Variants in CCDC179 observed in about 807,000 individuals in gnomAD.
CCDC179 encodes coiled-coil domain-containing protein 179.
CCDC179 carries 17 observed loss-of-function variants against 12.0 expected under a neutral mutation model. The observed-to-expected ratio is 1.42, with a 90% CI of 0.97 to 2.13. The LOEUF (loss-of-function observed/expected upper bound fraction) is 2.13, where lower values mean the gene tolerates loss of function less well. CCDC179 is among the 30% of genes most tolerant of loss of function. The pLI is 0.00. For synonymous variants in CCDC179, 27 were observed against 26.4 expected (o/e 1.02, Z -0.07); for missense variants, 83 against 78.6 (o/e 1.06, Z -0.21).
chr11:22,858,441 T>C (rs566334647), intron 2 of CCDC179, among the ~76,000 whole-genome samples: 2 of 152,164 alleles, frequency 1.3e-5, no homozygotes, highest in East Asian at 3.9e-4. Flanking sequence ...ATGCCACCAT[T>C]GTGTGGCGTC....
At chr11:22,859,376 G>C in intron 2 of CCDC179, 76 bp downstream of exon 2, 2 of 942,394 alleles carry the variant, frequency 2.1e-6, no homozygotes, top group South Asian at 4.7e-5. Context: ...ATTATGTTAG[G>C]GACCACTACA....
chr11:22,847,927 C>T (rs1351548541), intron 3 of CCDC179, among the ~76,000 whole-genome samples: 1 of 152,068 alleles, frequency 6.6e-6, no homozygotes, highest in Non-Finnish European at 1.5e-5. Context: ...GTCTTATGCT[C>T]TGTGAGTGAC....
chr11:22,857,659 C>T (rs1483237596), intron 3 of CCDC179, among the ~76,000 whole-genome samples: 2 of 151,648 alleles, frequency 1.3e-5, no homozygotes, highest in Admixed American at 6.6e-5. Context: ...ATGTAGTCAT[C>T]TAACATATGG....
intron 3 of CCDC179, among the ~76,000 whole-genome samples, chr11:22,850,831 A>G (rs1488711468): frequency 6.6e-6 from 1 of 150,390 alleles, no homozygotes; most frequent in Non-Finnish European, 1.5e-5. Context: ...ATTGTCTTAC[A>G]CTATAGAAAG....
At chr11:22,857,866 G>T (rs1858563780) in intron 3 of CCDC179, 56 bp downstream of exon 3, 4 of 841,598 alleles carry the variant, frequency 4.8e-6, no homozygotes, top group South Asian at 2.0e-5. Flanking sequence ...GAATTAAAAT[G>T]ATGATATCAG....
chr11:22,848,095 A>AT (rs1564913966), intron 3 of CCDC179, among the ~76,000 whole-genome samples: 1 of 152,206 alleles, frequency 6.6e-6, no homozygotes, highest in Admixed American at 6.5e-5. Flanking sequence ...TTTAAGGATA[A>AT]TTTTAACATT....
In CCDC179 at chr11:22,846,926, G is replaced by T. The variant is rs1387946535; in HGVS notation, c.*584C>A. The T allele has an allele frequency of 1.3e-5, 2 of 151,936 alleles. No individual in the cohort carries two copies. Among genetic ancestry groups the T allele is most frequent in the Non-Finnish European group, 2.9e-5 (2 of 67,968 alleles). 9.4% of individuals were successfully genotyped at this position (151,936 alleles called of 1,614,324 possible). A position where few individuals can be genotyped will look rare whatever the true frequency, so the allele number is the denominator to read the frequency against. The stretch of plus-strand genomic sequence containing the variant: ...AGTATTATAGTTAAGAAAGATTTTA[G>T]AGAGTCAGCAATAATTATAATTTAT... On this transcript the variant is annotated 3_prime_UTR_variant, in exon 4 of 4. Transcript: ENST00000532798.
At chr11:22,849,932 G>T (rs190787798) in intron 3 of CCDC179, among the ~76,000 whole-genome samples, 1 of 152,126 alleles carries the variant, frequency 6.6e-6, no homozygotes, top group Non-Finnish European at 1.5e-5. Flanking sequence ...GAGGAAAGAC[G>T]GGCCGGTGGT....
intron 3 of CCDC179, among the ~76,000 whole-genome samples, chr11:22,850,497 T>G (rs978486513): frequency 6.6e-6 from 1 of 152,250 alleles, no homozygotes; most frequent in African/African-American, 2.4e-5. Context: ...TTGTTTGATG[T>G]GCATTTAGCC....
chr11:22,855,986 G>C (rs191687779), intron 3 of CCDC179, among the ~76,000 whole-genome samples: 167 of 151,272 alleles, frequency 1.1e-3, no homozygotes, highest in Admixed American at 5.2e-3. Context: ...ACAAGACATA[G>C]ATAATCTAAA....
intron 3 of CCDC179, among the ~76,000 whole-genome samples, chr11:22,853,213 C>T (rs1431610961): frequency 6.6e-6 from 1 of 152,030 alleles, no homozygotes; most frequent in African/African-American, 2.4e-5. Flanking sequence ...ATCCAGCTTT[C>T]AATAAAGAAC....
At chr11:22,848,822 C>G (rs1325794298) in intron 3 of CCDC179, among the ~76,000 whole-genome samples, 1 of 152,102 alleles carries the variant, frequency 6.6e-6, no homozygotes, top group Admixed American at 6.6e-5. Flanking sequence ...GTGTCATATT[C>G]ATTATCACTT....
rs72865328 is a variant in CCDC179 at position 22,847,804 on chromosome 11, C to T, written c.196-283G>A. 3.8e-3 allele frequency among the ~76,000 whole-genome samples: 581 copies of T among 152,016 alleles called. 1 individual carries two copies. The highest frequency in any genetic ancestry group is 8.7e-3 in the East Asian group (45 of 5,152). On this transcript the variant is annotated intron_variant, in intron 3 of 3. Coordinates refer to ENST00000532798, the MANE Select transcript of CCDC179 (RefSeq NM_001195637.2). The stretch of plus-strand genomic sequence containing the variant: ...TCTCTATAAGTCATACAACAAATAC[C>T]GCAAGCAGAAAGAATTTGTAGAAAC...
intron 3 of CCDC179, among the ~76,000 whole-genome samples, chr11:22,850,593 C>G (rs1858353402): frequency 6.9e-6 from 1 of 144,262 alleles, no homozygotes; most frequent in African/African-American, 2.7e-5. Context: ...TTATTTCCCT[C>G]TGGGTAGATA....
rs189332441 is a variant in CCDC179, at chr11:22,856,514, T to G, written c.195+1408A>C. On this transcript the variant is annotated intron_variant, in intron 3 of 3. Coordinates refer to ENST00000532798, the MANE Select transcript of CCDC179 (RefSeq NM_001195637.2). Reference sequence around the variant, plus strand: ...AGGTGTAGAGAGGGATGTCTTTCACTTCATAAGGAACATCTCTAAAATACC... The same window carrying G: ...AGGTGTAGAGAGGGATGTCTTTCACGTCATAAGGAACATCTCTAAAATACC... 3.0e-3 allele frequency among the ~76,000 whole-genome samples: 462 copies of G among 151,566 alleles called. 2 individuals carry two copies. Among genetic ancestry groups the G allele is most frequent in the African/African-American group, 0.011 (444 of 41,498 alleles).
intron 3 of CCDC179, among the ~76,000 whole-genome samples, chr11:22,848,630 C>G (rs1051996251): frequency 6.6e-6 from 1 of 151,892 alleles, no homozygotes; most frequent in Non-Finnish European, 1.5e-5. Flanking sequence ...TTAAATTGTA[C>G]AAAAACTGTT....
In CCDC179 at chr11:22,859,381, A is replaced by G. The variant is rs900482794; in HGVS notation, c.90+71T>C. ...TACAAGTTCTATTATGTTAGGGACCACTACATAAAGGAACAAGTTACAAGC... is the reference window on the plus strand; with the variant it reads ...TACAAGTTCTATTATGTTAGGGACCGCTACATAAAGGAACAAGTTACAAGC... On this transcript the variant is annotated intron_variant, in intron 2 of 3. Coordinates refer to ENST00000532798, the MANE Select transcript of CCDC179 (RefSeq NM_001195637.2). The G allele has an allele frequency of 1.1e-5, 11 of 1,014,422 alleles. No individual in the cohort carries two copies. The Admixed American group carries it at 1.3e-4, about 12-fold the overall frequency. The allele number at this position is 1,014,422 out of a possible 1,614,324, so 62.8% of individuals were successfully genotyped here. A position where few individuals can be genotyped will look rare whatever the true frequency, so the allele number is the denominator to read the frequency against.
intron 3 of CCDC179, 126 bp from the exon 4 acceptor site, chr11:22,847,647 A>T (rs2134821731): frequency 4.6e-6 from 2 of 438,394 alleles, no homozygotes; most frequent in East Asian, 3.7e-5. Flanking sequence ...AAGAAGTATT[A>T]TAAAAAATAA....
intron 3 of CCDC179, among the ~76,000 whole-genome samples, chr11:22,856,322 C>G (rs1858528675): frequency 6.6e-6 from 1 of 151,444 alleles, no homozygotes; most frequent in Non-Finnish European, 1.5e-5. Flanking sequence ...TATACACAAT[C>G]TGAGACTTAT....
Sources: gnomAD v4.1 joint callset for allele counts (sites outside exome capture counted in the v4.1 genomes callset) on GRCh38, gnomAD v4.1.1 for gene constraint, MANE v1.5 for transcripts, NCBI Gene and HGNC (gene_info 2026-07-23, HGNC 2026-07-21) for gene names.